MAP4K5: variants seen among roughly 807,000 people sequenced by gnomAD.
The protein encoded by MAP4K5 is mitogen-activated protein kinase kinase kinase kinase 5, also known as MAPK/ERK kinase kinase kinase 5.
In MAP4K5, 82 loss-of-function variants were observed where a neutral mutation model predicts 135.6. The observed-to-expected ratio is 0.60, with a 90% CI of 0.51 to 0.73. MAP4K5 has a LOEUF of 0.73. Among genes scored for constraint, MAP4K5 ranks in the 30% least tolerant of loss-of-function variants. The pLI, the probability that MAP4K5 is intolerant of heterozygous loss-of-function variation, is 0.00. For missense variants in MAP4K5, 907 were observed against 1,010.9 expected (o/e 0.90, Z 1.39); for synonymous variants, 347 against 335.0 (o/e 1.04, Z -0.39).
At chr14:50,505,421 A>G (rs1395464256) in intron 2 of MAP4K5, among the ~76,000 whole-genome samples, 4 of 152,144 alleles carry the variant, frequency 2.6e-5, no homozygotes, top group Admixed American at 2.6e-4. Context: ...GGGCATTTAC[A>G]ATTTTAATAT....
chr14:50,501,321 A>G (rs924970285), intron 3 of MAP4K5, among the ~76,000 whole-genome samples: 14 of 152,134 alleles, frequency 9.2e-5, no homozygotes, highest in African/African-American at 3.4e-4. Context: ...AAATTTAAGT[A>G]TATTATTCAA....
At chr14:50,544,195 C>T (rs926587624) in intron 1 of MAP4K5, among the ~76,000 whole-genome samples, 2 of 152,236 alleles carry the variant, frequency 1.3e-5, no homozygotes, top group Non-Finnish European at 1.5e-5. Context: ...CTTGGATCCT[C>T]TGAGACTAAG....
intron 14 of MAP4K5, among the ~76,000 whole-genome samples, chr14:50,454,112 C>T (rs977032128): frequency 2.6e-5 from 4 of 152,142 alleles, no homozygotes; most frequent in Non-Finnish European, 5.9e-5. Flanking sequence ...TGAACTATTA[C>T]TACACATGAC....
chr14:50,479,417 T>A (rs954169479), intron 6 of MAP4K5, among the ~76,000 whole-genome samples: 4 of 152,220 alleles, frequency 2.6e-5, no homozygotes, highest in Admixed American at 1.3e-4. Flanking sequence ...CATCCTTTGT[T>A]AATTCCATCA....
At chr14:50,531,794 A>G in intron 2 of MAP4K5, 148 bp downstream of exon 2, 1 of 688,780 alleles carries the variant, frequency 1.5e-6, no homozygotes, top group East Asian at 2.7e-5. Context: ...GAGGGTGCTC[A>G]GAACCGAGTA....
At chr14:50,516,548 A>C (rs2038037711) in intron 2 of MAP4K5, among the ~76,000 whole-genome samples, 1 of 152,246 alleles carries the variant, frequency 6.6e-6, no homozygotes, top group African/African-American at 2.4e-5. Context: ...AGCCACACTT[A>C]TGGAATAGTG....
chr14:50,477,270 T>C (rs1283336458), intron 6 of MAP4K5, among the ~76,000 whole-genome samples: 2 of 152,214 alleles, frequency 1.3e-5, no homozygotes, highest in African/African-American at 4.8e-5. Flanking sequence ...TAACTTCAGA[T>C]TGTCCGTTGC....
At chr14:50,491,324 C>CTT (rs869302168) in intron 3 of MAP4K5, among the ~76,000 whole-genome samples, 19 of 139,942 alleles carry the variant, frequency 1.4e-4, no homozygotes, top group African/African-American at 3.7e-4. Flanking sequence ...TATTATCTCT[C>CTT]TTTTTTTTTT....
In MAP4K5 at chr14:50,437,962, T is replaced by C. The variant is rs757367079; in HGVS notation, c.1755A>G (p.Glu585=). The C allele has an allele frequency of 6.2e-7, 1 of 1,612,484 alleles. No individual in the cohort carries two copies. The highest frequency in any genetic ancestry group is 1.3e-5 in the African/African-American group (1 of 74,854). Residue 585 remains glutamate (E), a synonymous_variant, in exon 25 of 33, where the codon GAA becomes GAG. Coordinates refer to ENST00000682126, the MANE Select transcript of MAP4K5 (RefSeq NM_006575.6). ...LYSHNLIALF[E]HAKKPGLAAH... is the part of the protein sequence containing the mutation. ...CAGCTAATCCTGGTTTTTTGGCATG[T>C]TCAAACAAAGCTATAAGATTGTGAG...
chr14:50,442,811 TC>T lies in MAP4K5; in HGVS notation c.1484del (p.Gly495GlufsTer13). 1.3e-6 allele frequency: 2 copies of T among 1,551,186 alleles called. No individual in the cohort carries two copies. The highest frequency in any genetic ancestry group is 1.8e-6 in the Non-Finnish European group (2 of 1,139,552). On this transcript the variant is annotated frameshift_variant, in exon 21 of 33. Coordinates refer to ENST00000682126, the MANE Select transcript of MAP4K5 (RefSeq NM_006575.6). LOFTEE classifies it high-confidence loss of function. Reference protein sequence around the residue: ...GLPPTPKVLMGACFSKVFDGC... With the variant: ...GLPPTPKVLMXACFSKVFDGC... ...CATCAAAAACTTTTGAAAAGCATGC[TC>T]CCATCTTATTTATAAAGAAAGAAAT...
chr14:50,560,551 C>T (rs2038826559), intron 1 of MAP4K5: 2 of 539,212 alleles, frequency 3.7e-6, no homozygotes, highest in Non-Finnish European at 6.7e-6. Context: ...TTCTTCCCCA[C>T]CCCCCTCCCG....
Position 50,490,159 on chromosome 14 carries a change from G to GTGTGTA in MAP4K5, c.167-3966_167-3965insTACACA, listed in dbSNP as rs71441284. On this transcript the variant is annotated intron_variant, in intron 3 of 32. Coordinates refer to ENST00000682126, the MANE Select transcript of MAP4K5 (RefSeq NM_006575.6). ...TGTGTGTGTGTGTGTGTGTGTGTGT[G>GTGTGTA]TAAGGGAACTCAGCCTGATACTCTT... Among the ~76,000 whole-genome samples the GTGTGTA allele has an allele frequency of 6.2e-4, 85 of 138,002 alleles. 4 individuals are homozygous for GTGTGTA. Among genetic ancestry groups the GTGTGTA allele is most frequent in the East Asian group, 3.1e-3 (14 of 4,534 alleles). 90.5% of individuals were successfully genotyped at this position (138,002 alleles called of 152,430 possible).
chr14:50,449,641 C>A (rs1252500312), intron 14 of MAP4K5: 7 of 152,076 alleles, frequency 4.6e-5, no homozygotes, highest in Non-Finnish European at 1.0e-4. Flanking sequence ...CATAATTCAT[C>A]ACATTAAACA....
chr14:50,537,814 C>T (rs995030891), intron 2 of MAP4K5, among the ~76,000 whole-genome samples: 46 of 152,318 alleles, frequency 3.0e-4, no homozygotes, highest in African/African-American at 9.4e-4. Flanking sequence ...GCTGTAGTTA[C>T]CCAATGCCTG....
At chr14:50,520,432 C>T (rs1319186004) in intron 2 of MAP4K5, among the ~76,000 whole-genome samples, 3 of 152,060 alleles carry the variant, frequency 2.0e-5, no homozygotes, top group East Asian at 1.9e-4. Context: ...ACCCGGGAGG[C>T]GAAGGTAGTA....
intron 2 of MAP4K5, among the ~76,000 whole-genome samples, chr14:50,540,243 A>G (rs1255592847): frequency 1.3e-5 from 2 of 152,250 alleles, no homozygotes; most frequent in African/African-American, 4.8e-5. Context: ...CTATCCTATT[A>G]TTAATCCCTG....
At chr14:50,450,714 A>C (rs556722194) in intron 14 of MAP4K5, 7 of 152,354 alleles carry the variant, frequency 4.6e-5, no homozygotes, top group Admixed American at 3.9e-4. Flanking sequence ...GAAATCCCAC[A>C]GTACCAGGAA....
chr14:50,560,192 C>T, intron 1 of MAP4K5: 1 of 1,588,568 alleles, frequency 6.3e-7, no homozygotes, highest in Non-Finnish European at 8.6e-7. Context: ...CCTCCCACCG[C>T]CAGCAACCTG....
intron 8 of MAP4K5, 76 bp downstream of exon 8, chr14:50,476,051 AT>A: frequency 1.3e-6 from 1 of 784,232 alleles, no homozygotes; most frequent in Non-Finnish European, 2.0e-6. Context: ...GTTAATTCTC[AT>A]TTAAAATTTT....
Sources: allele counts gnomAD v4.1 joint callset (sites outside exome capture counted in the v4.1 genomes callset), GRCh38; gene constraint gnomAD v4.1.1; transcripts MANE v1.5; gene names NCBI Gene and HGNC (gene_info 2026-07-23, HGNC 2026-07-21).